Variants in TMPRSS11D observed in about 807,000 individuals in gnomAD.
TMPRSS11D encodes the protein transmembrane protease serine 11D.
A neutral mutation model predicts 44.4 loss-of-function variants in TMPRSS11D; 32 were observed. That is an observed-to-expected ratio of 0.72 (90% confidence interval 0.54 to 0.97). The LOEUF is 0.97. Ranked by LOEUF, TMPRSS11D falls within the 50% of genes least tolerant of loss-of-function variation. The pLI is 0.00. For synonymous variants in TMPRSS11D, 179 were observed against 177.9 expected, an observed-to-expected ratio of 1.01 and a Z score of -0.05; for missense variants, 446 against 502.6, an observed-to-expected ratio of 0.89 and a Z score of 1.08.
intron 1 of TMPRSS11D, among the ~76,000 whole-genome samples, chr4:67,878,768 A>G (rs1431694993): frequency 6.6e-6 from 1 of 152,108 alleles, no homozygotes; most frequent in Non-Finnish European, 1.5e-5. Context: ...TACTAAAAAT[A>G]CAAAAATTGG....
At chr4:67,857,164 C>CA (rs1272273556) in intron 2 of TMPRSS11D, among the ~76,000 whole-genome samples, 1 of 151,584 alleles carries the variant, frequency 6.6e-6, no homozygotes, top group East Asian at 1.9e-4. Flanking sequence ...ATCACCATGT[C>CA]AAAGAGATAT....
chr4:67,864,671 G>A (rs1280239753), intron 1 of TMPRSS11D, among the ~76,000 whole-genome samples: 1 of 151,808 alleles, frequency 6.6e-6, no homozygotes. Flanking sequence ...AAAGGCAGAG[G>A]TATAGAAAAA....
Position 67,859,548 on chromosome 4 carries a change from G to A in TMPRSS11D, c.130+9C>T. 2 of 1,612,414 alleles carry A rather than the reference G, an allele frequency of 1.2e-6. No individual in the cohort carries two copies. Among genetic ancestry groups the A allele is most frequent in the Non-Finnish European group, 1.7e-6 (2 of 1,178,844 alleles). On this transcript the variant is annotated intron_variant, in intron 2 of 9. Transcript: ENST00000283916. Reference sequence around the variant, plus strand: ...TAAATCTGAAGAGTAATAATGTTCTGGTACTTACCAAAAGCTAAAAAGTAA... The same window carrying A: ...TAAATCTGAAGAGTAATAATGTTCTAGTACTTACCAAAAGCTAAAAAGTAA...
Position 67,879,471 on chromosome 4 carries a change from C to CAAAA in TMPRSS11D, c.8+4451_8+4454dup, listed in dbSNP as rs58768044. Among the ~76,000 whole-genome samples the CAAAA allele has an allele frequency of 8.6e-3, 934 of 108,724 alleles. 19 individuals carry two copies. The highest frequency in any genetic ancestry group is 0.031 in the African/African-American group (867 of 27,626). 71.3% of individuals were successfully genotyped at this position (108,724 alleles called of 152,430 possible). On this transcript the variant is annotated intron_variant, in intron 1 of 9. Coordinates refer to ENST00000283916, the MANE Select transcript of TMPRSS11D (RefSeq NM_004262.3). The stretch of plus-strand genomic sequence containing the variant: ...TGGGCGACAGAGCGAGACTCCTTCT[C>CAAAA]AAAAAAAAAAAAAAAAAAGAAAAGC...
chr4:67,825,023 G>T (rs545443208), intron 9 of TMPRSS11D, among the ~76,000 whole-genome samples: 1 of 151,940 alleles, frequency 6.6e-6, no homozygotes, highest in African/African-American at 2.4e-5. Flanking sequence ...TTTCATATTT[G>T]TTGTTTGTTT....
intron 1 of TMPRSS11D, among the ~76,000 whole-genome samples, chr4:67,880,563 TAAACTTGTCAGAATAA>T (rs1560552485): frequency 6.6e-6 from 1 of 152,196 alleles, no homozygotes; most frequent in African/African-American, 2.4e-5. Flanking sequence ...GGCTAAGAAG[TAAACTTGTCAGAATAA>T]AAACTTGTCT....
intron 3 of TMPRSS11D, among the ~76,000 whole-genome samples, chr4:67,851,405 G>A (rs1718505468): frequency 6.6e-6 from 1 of 152,198 alleles, no homozygotes; most frequent in Non-Finnish European, 1.5e-5. Context: ...GCAGGCAATG[G>A]CTGAGAGACA....
intron 1 of TMPRSS11D, among the ~76,000 whole-genome samples, chr4:67,874,661 G>A (rs990470379): frequency 6.6e-6 from 1 of 152,054 alleles, no homozygotes; most frequent in Admixed American, 6.6e-5. Flanking sequence ...TAAATGCACA[G>A]GTTCAATAAA....
intron 3 of TMPRSS11D, among the ~76,000 whole-genome samples, chr4:67,846,926 GAC>G (rs1363248829): frequency 1.4e-5 from 2 of 147,758 alleles, no homozygotes; most frequent in African/African-American, 5.0e-5. Context: ...TTTTTTTTGA[GAC>G]AGAGTCTCAC....
intron 5 of TMPRSS11D, among the ~76,000 whole-genome samples, chr4:67,836,760 G>T (rs886371360): frequency 2.6e-5 from 4 of 152,162 alleles, no homozygotes; most frequent in African/African-American, 9.6e-5. Flanking sequence ...GTGTTTTGAT[G>T]ATGATGGTGT....
At chr4:67,826,384 A>T (rs1717793016) in intron 8 of TMPRSS11D, among the ~76,000 whole-genome samples, 1 of 152,116 alleles carries the variant, frequency 6.6e-6, no homozygotes, top group Admixed American at 6.6e-5. Context: ...GTGTTCTAGG[A>T]CTATTAAGGC....
intron 1 of TMPRSS11D, among the ~76,000 whole-genome samples, chr4:67,883,500 T>C (rs1560553378): frequency 6.6e-6 from 1 of 152,046 alleles, no homozygotes; most frequent in Non-Finnish European, 1.5e-5. Flanking sequence ...CTTTAGGATT[T>C]ATGGCATATT....
chr4:67,880,980 G>A (rs1000393069), intron 1 of TMPRSS11D, among the ~76,000 whole-genome samples: 12 of 152,030 alleles, frequency 7.9e-5, no homozygotes, highest in African/African-American at 2.7e-4. Context: ...ACTATCTTAG[G>A]CAGTTATCCA....
chr4:67,822,179 A>G lies in TMPRSS11D; in HGVS notation c.*158T>C. 1 of 827,658 alleles carries G rather than the reference A, an allele frequency of 1.2e-6. No individual in the cohort carries two copies. The highest frequency in any genetic ancestry group is 3.8e-4 in the Middle Eastern group (1 of 2,598). 51.3% of individuals were successfully genotyped at this position (827,658 alleles called of 1,614,324 possible). On this transcript the variant is annotated 3_prime_UTR_variant, in exon 10 of 10. Transcript: ENST00000283916. ...TGGAGAAAATAGAAAACCTTTAATA[A>G]TAAAGAAAGGTTAAACAGTGTTTGT... is the stretch of plus-strand genomic sequence containing the variant.
intron 2 of TMPRSS11D, among the ~76,000 whole-genome samples, chr4:67,856,924 C>T (rs1718650919): frequency 6.6e-6 from 1 of 152,002 alleles, no homozygotes; most frequent in South Asian, 2.1e-4. Flanking sequence ...AAATCAAACC[C>T]ACAATGAGAT....
At chr4:67,872,722 T>G (rs544472830) in intron 1 of TMPRSS11D, among the ~76,000 whole-genome samples, 2 of 152,302 alleles carry the variant, frequency 1.3e-5, no homozygotes, top group South Asian at 4.1e-4. Context: ...GGACTTAAAC[T>G]TCCAGAACAG....
chr4:67,839,222 A>G (rs1718174949), intron 4 of TMPRSS11D, among the ~76,000 whole-genome samples: 1 of 152,148 alleles, frequency 6.6e-6, no homozygotes, highest in South Asian at 2.1e-4. Flanking sequence ...GCTAGGCACT[A>G]TTCTAAGCTT....
chr4:67,849,919 C>G (rs768129539), intron 3 of TMPRSS11D, among the ~76,000 whole-genome samples: 7 of 152,072 alleles, frequency 4.6e-5, no homozygotes, highest in Non-Finnish European at 1.0e-4. Context: ...TCTTTACTTA[C>G]CAGTCTATAC....
At chr4:67,824,379 A>T (rs1312137725) in intron 9 of TMPRSS11D, among the ~76,000 whole-genome samples, 1 of 152,118 alleles carries the variant, frequency 6.6e-6, no homozygotes, top group Non-Finnish European at 1.5e-5. Flanking sequence ...TAATGCTCTT[A>T]GTAGGTCTGG....
Sources: allele counts gnomAD v4.1 joint callset (sites outside exome capture counted in the v4.1 genomes callset), GRCh38; gene constraint gnomAD v4.1.1; transcripts MANE v1.5; gene names NCBI Gene and HGNC (gene_info 2026-07-23, HGNC 2026-07-21).